Variants in PBX4 observed in about 807,000 individuals in gnomAD.
PBX4 encodes the protein PBX homeobox 4.
PBX4 carries 26 observed loss-of-function variants against 35.1 expected under a neutral mutation model. The ratio of observed to expected loss-of-function variants is 0.74; its 90% CI spans 0.54 to 1.03. The LOEUF is 1.03. Ranked by LOEUF, PBX4 falls within the 50% of genes least tolerant of loss-of-function variation. The pLI is 0.00. For synonymous variants in PBX4, 199 were observed against 204.2 expected, an observed-to-expected ratio of 0.97 and a Z score of 0.22; for missense variants, 448 against 504.3, an observed-to-expected ratio of 0.89 and a Z score of 1.07.
chr19:19,594,106 A>AAAT (rs376246400), intron 2 of PBX4, among the ~76,000 whole-genome samples: 1,869 of 145,218 alleles, frequency 0.013, 65 homozygotes, highest in South Asian at 0.07. Context: ...AAAATAAAAA[A>AAAT]TAAAAAATTA....
chr19:19,570,879 G>A, intron 2 of PBX4, 46 bp from the exon 3 acceptor site: 1 of 1,598,030 alleles, frequency 6.3e-7, no homozygotes. Context: ...TTTCTGGAGA[G>A]AAAACAAACC....
At chr19:19,581,981 G>A (rs1278735520) in intron 2 of PBX4, among the ~76,000 whole-genome samples, 2 of 152,136 alleles carry the variant, frequency 1.3e-5, no homozygotes, top group Non-Finnish European at 2.9e-5. Context: ...AGAGTGCCCT[G>A]GGATGTGAAG....
chr19:19,587,924 C>T (rs1208345449), intron 2 of PBX4, among the ~76,000 whole-genome samples: 1 of 152,116 alleles, frequency 6.6e-6, no homozygotes, highest in South Asian at 2.1e-4. Context: ...CTACTACATG[C>T]CTGGGTGAAG....
intron 2 of PBX4, among the ~76,000 whole-genome samples, chr19:19,577,033 G>T (rs553789292): frequency 6.6e-6 from 1 of 152,036 alleles, no homozygotes; most frequent in South Asian, 2.1e-4. Context: ...TTCAAGACCA[G>T]CCTGGCCAAC....
At chr19:19,566,151 C>T (rs998530616) in intron 5 of PBX4, among the ~76,000 whole-genome samples, 5 of 152,122 alleles carry the variant, frequency 3.3e-5, no homozygotes, top group African/African-American at 1.2e-4. Flanking sequence ...TAGTCCATGG[C>T]CAAGGTGGAA....
chr19:19,574,335 G>A (rs568988511), intron 2 of PBX4, among the ~76,000 whole-genome samples: 25 of 152,184 alleles, frequency 1.6e-4, no homozygotes, highest in Middle Eastern at 3.4e-3. Context: ...CTTCATAGAC[G>A]CCCTCCTCTG....
intron 2 of PBX4, among the ~76,000 whole-genome samples, chr19:19,582,432 A>G (rs2061461124): frequency 6.6e-6 from 1 of 152,144 alleles, no homozygotes; most frequent in East Asian, 1.9e-4. Flanking sequence ...GAACACACCA[A>G]TAGACACTGG....
intron 1 of PBX4, among the ~76,000 whole-genome samples, chr19:19,615,725 C>T (rs1358079151): frequency 1.3e-5 from 2 of 152,166 alleles, no homozygotes; most frequent in Non-Finnish European, 2.9e-5. Flanking sequence ...AACCCCATCT[C>T]TACTAAAAAT....
At chr19:19,581,882 C>T (rs926303730) in intron 2 of PBX4, among the ~76,000 whole-genome samples, 1 of 152,140 alleles carries the variant, frequency 6.6e-6, no homozygotes, top group African/African-American at 2.4e-5. Flanking sequence ...GTGGGGGCTT[C>T]CAAGTGGCTG....
chr19:19,565,898 G>A (rs534863234), intron 5 of PBX4, among the ~76,000 whole-genome samples: 17 of 152,070 alleles, frequency 1.1e-4, no homozygotes, highest in African/African-American at 4.1e-4. Flanking sequence ...CTGGGCAACA[G>A]AGTGAGACCC....
intron 1 of PBX4, among the ~76,000 whole-genome samples, chr19:19,601,736 T>C (rs1407918038): frequency 1.3e-5 from 2 of 151,998 alleles, no homozygotes; most frequent in Non-Finnish European, 2.9e-5. Flanking sequence ...GAAGGGACCA[T>C]GAGCAAGGAA....
At chr19:19,581,687 G>A (rs1428036136) in intron 2 of PBX4, among the ~76,000 whole-genome samples, 1 of 152,172 alleles carries the variant, frequency 6.6e-6, no homozygotes, top group Non-Finnish European at 1.5e-5. Context: ...ACTCACTTTG[G>A]GAGACCTGTT....
intron 1 of PBX4, chr19:19,608,517 C>T (rs901167573): frequency 2.0e-5 from 3 of 152,228 alleles, no homozygotes; most frequent in Non-Finnish European, 4.4e-5. Flanking sequence ...TGGAACAAAC[C>T]GCGTGCTCAC....
intron 2 of PBX4, among the ~76,000 whole-genome samples, chr19:19,577,212 A>C (rs947113398): frequency 6.7e-5 from 10 of 148,450 alleles, no homozygotes; most frequent in Non-Finnish European, 1.2e-4. Flanking sequence ...AAAAAAAAAA[A>C]CTCTCAAATT....
At chr19:19,609,174 C>A (rs1316493887) in intron 1 of PBX4, among the ~76,000 whole-genome samples, 1 of 152,126 alleles carries the variant, frequency 6.6e-6, no homozygotes, top group Non-Finnish European at 1.5e-5. Flanking sequence ...GCAGGCAGTA[C>A]AGCCTCAGAG....
At chr19:19,565,377 C>T (rs2144699283) in intron 5 of PBX4, among the ~76,000 whole-genome samples, 1 of 152,336 alleles carries the variant, frequency 6.6e-6, no homozygotes, top group East Asian at 1.9e-4. Context: ...GGAAGGAAAA[C>T]AAGACTGTCT....
intron 2 of PBX4, chr19:19,588,148 A>G (rs891864457): frequency 4.3e-6 from 5 of 1,166,248 alleles, no homozygotes; most frequent in South Asian, 1.2e-5. Flanking sequence ...AGCTCCCCAA[A>G]TAGACAATCT....
chr19:19,595,288 C>T (rs2144762719), intron 2 of PBX4, among the ~76,000 whole-genome samples: 1 of 152,290 alleles, frequency 6.6e-6, no homozygotes, highest in East Asian at 1.9e-4. Context: ...CACGTGACCA[C>T]AGCCAGTGTC....
At chr19:19,606,919 A>G (rs1555740589) in intron 1 of PBX4, among the ~76,000 whole-genome samples, 1 of 152,078 alleles carries the variant, frequency 6.6e-6, no homozygotes, top group Non-Finnish European at 1.5e-5. Flanking sequence ...TGAAACCAGG[A>G]GGTGAAGGTT....
Sources: gnomAD v4.1 joint callset for allele counts (sites outside exome capture counted in the v4.1 genomes callset) on GRCh38, gnomAD v4.1.1 for gene constraint, MANE v1.5 for transcripts, NCBI Gene and HGNC (gene_info 2026-07-23, HGNC 2026-07-21) for gene names.